The following MEGF11 variants were observed in gnomAD, a reference collection of about 807,000 sequenced individuals.
MEGF11 encodes multiple epidermal growth factor-like domains protein 11.
Under a neutral mutation model 146.6 loss-of-function variants are expected in MEGF11, and 126 were observed. The ratio of observed to expected loss-of-function variants is 0.86; its 90% CI spans 0.74 to 1.00. MEGF11 has a LOEUF of 1.00. Among genes scored for constraint, MEGF11 ranks in the 50% least tolerant of loss-of-function variants. The probability of loss-of-function intolerance (pLI) is 0.00; values close to 1 mark genes in which losing one functional copy is unlikely to be tolerated. For missense variants in MEGF11, 1,509 were observed against 1,521.2 expected (o/e 0.99, Z 0.13); for synonymous variants, 532 against 583.4 (o/e 0.91, Z 1.27).
At chr15:65,963,411 A>G (rs1044751324) in intron 9 of MEGF11, among the ~76,000 whole-genome samples, 2 of 151,088 alleles carry the variant, frequency 1.3e-5, no homozygotes, top group Non-Finnish European at 2.9e-5. Flanking sequence ...CCAGCCACAT[A>G]TATTTCATCA....
intron 5 of MEGF11, among the ~76,000 whole-genome samples, chr15:66,019,038 G>T (rs947257916): frequency 2.0e-5 from 3 of 152,194 alleles, no homozygotes; most frequent in South Asian, 2.1e-4. Flanking sequence ...CCATCACCAC[G>T]ACTCCAGGCC....
In MEGF11 at chr15:65,993,159, A is replaced by G. The variant is rs2082106227; in HGVS notation, c.395-10671T>C. 2.0e-5 allele frequency among the ~76,000 whole-genome samples: 3 copies of G among 152,146 alleles called. 1 individual carries two copies. The South Asian group carries it at 6.2e-4, about 32-fold the overall frequency. On this transcript the variant is annotated intron_variant, in intron 5 of 25. Coordinates refer to ENST00000395614, the MANE Select transcript of MEGF11 (RefSeq NM_001385028.1). ...TGTTCTAGAGTCCAAGTCAGCACTC[A>G]TGCACCACCCCCAACCTCTGTCCTG...
intron 4 of MEGF11, among the ~76,000 whole-genome samples, chr15:66,114,883 G>GC (rs1396004640): frequency 6.6e-6 from 1 of 152,154 alleles, no homozygotes; most frequent in South Asian, 2.1e-4. Flanking sequence ...GAAAAACAGT[G>GC]CCCCCCTGCA....
chr15:66,145,145 A>G (rs1179196509), intron 1 of MEGF11, among the ~76,000 whole-genome samples: 4 of 152,216 alleles, frequency 2.6e-5, no homozygotes, highest in African/African-American at 4.8e-5. Flanking sequence ...CAGAGGCCTG[A>G]GCTGAGAGCA....
In MEGF11 at chr15:65,982,871, C is replaced by A. The variant is rs186313344; in HGVS notation, c.395-383G>T. The stretch of plus-strand genomic sequence containing the variant: ...GTTGGCTGCCTGTTTCTGTTCCTTT[C>A]TGCCGGGCCCTTTCTTTTCCCATCT... On this transcript the variant is annotated intron_variant, in intron 5 of 25. Transcript: ENST00000395614. This position sits in a 1 kb window ranked among gnomAD's most constrained non-coding sequence, Gnocchi z 5.6. Among the ~76,000 whole-genome samples, 12 of 152,260 alleles carry A rather than the reference C, an allele frequency of 7.9e-5. No individual in the cohort carries two copies. Among genetic ancestry groups the A allele is most frequent in the Non-Finnish European group, 1.6e-4 (11 of 68,030 alleles).
intron 1 of MEGF11, among the ~76,000 whole-genome samples, chr15:66,188,947 C>T (rs539533768): frequency 6.6e-6 from 1 of 152,304 alleles, no homozygotes; most frequent in Non-Finnish European, 1.5e-5. Context: ...CTCCTACCTT[C>T]GCCTTACAAT....
intron 7 of MEGF11, 45 bp downstream of exon 7, chr15:65,980,733 G>A: frequency 6.5e-7 from 1 of 1,539,122 alleles, no homozygotes; most frequent in Non-Finnish European, 8.7e-7. Flanking sequence ...AGTGATGAAG[G>A]CTCAGCCCTC....
chr15:66,107,061 C>CCCCTT (rs1555471311), intron 4 of MEGF11, among the ~76,000 whole-genome samples: 1 of 88,474 alleles, frequency 1.1e-5, no homozygotes. Flanking sequence ...CCTACCCCCC[C>CCCCTT]ACCAGGTATA....
In MEGF11 at chr15:65,917,009, G is replaced by A. The variant is rs561439384; in HGVS notation, c.2087-53C>T. On this transcript the variant is annotated intron_variant, in intron 16 of 25. Coordinates refer to ENST00000395614, the MANE Select transcript of MEGF11 (RefSeq NM_001385028.1). ...GAGGGGAAGGCAGAGAGGGGCAGACGGAGAGGGAGAAGAAGGGGGAGTACA... is the reference window on the plus strand; with the variant it reads ...GAGGGGAAGGCAGAGAGGGGCAGACAGAGAGGGAGAAGAAGGGGGAGTACA... The A allele has an allele frequency of 4.9e-4, 709 of 1,435,634 alleles. 1 individual carries two copies. The highest frequency in any genetic ancestry group is 6.1e-4 in the Non-Finnish European group (665 of 1,088,154). 88.9% of individuals were successfully genotyped at this position (1,435,634 alleles called of 1,614,324 possible). A position where few individuals can be genotyped will look rare whatever the true frequency, so the allele number is the denominator to read the frequency against.
chr15:66,194,254 C>T (rs1274829609), intron 1 of MEGF11, among the ~76,000 whole-genome samples: 4 of 152,150 alleles, frequency 2.6e-5, no homozygotes, highest in Admixed American at 2.6e-4. Context: ...AATGGAAAAC[C>T]CAACATCATA....
intron 21 of MEGF11, among the ~76,000 whole-genome samples, chr15:65,910,471 C>T (rs1018234352): frequency 3.3e-5 from 5 of 152,148 alleles, no homozygotes; most frequent in East Asian, 1.9e-4. Flanking sequence ...TTCCCAGTGC[C>T]GTGTCCTTTC....
chr15:66,128,406 C>A lies in MEGF11; in HGVS notation c.-3G>T. On this transcript the variant is annotated 5_prime_UTR_variant, in exon 2 of 26. Transcript: ENST00000395614. ...AGCCCCGTCAGGGAGAGCACCATCC[C>A]GGGCCCTGCACAGGAGAACAAAGGA... is the stretch of plus-strand genomic sequence containing the variant. 4 of 1,488,746 alleles carry A rather than the reference C, an allele frequency of 2.7e-6. No homozygotes were observed. The highest frequency in any genetic ancestry group is 2.7e-6 in the Non-Finnish European group (3 of 1,117,694). 92.2% of individuals were successfully genotyped at this position (1,488,746 alleles called of 1,614,324 possible).
At chr15:66,193,024 A>G (rs1340948918) in intron 1 of MEGF11, among the ~76,000 whole-genome samples, 1 of 152,242 alleles carries the variant, frequency 6.6e-6, no homozygotes, top group African/African-American at 2.4e-5. Context: ...CACTGGAATG[A>G]ACCAAACAAT....
intron 1 of MEGF11, among the ~76,000 whole-genome samples, chr15:66,156,839 G>C (rs561296514): frequency 2.6e-5 from 4 of 152,238 alleles, no homozygotes; most frequent in Non-Finnish European, 5.9e-5. Flanking sequence ...TCTGTACTGA[G>C]AGAACAGAGC....
At chr15:66,124,752 T>C (rs943408082) in intron 2 of MEGF11, among the ~76,000 whole-genome samples, 2 of 152,180 alleles carry the variant, frequency 1.3e-5, no homozygotes, top group African/African-American at 2.4e-5. Context: ...GACCAGCAGG[T>C]GGAAGCCACA....
At chr15:66,147,274 ATGGTTGCGC>A (rs1467393634) in intron 1 of MEGF11, among the ~76,000 whole-genome samples, 1 of 152,032 alleles carries the variant, frequency 6.6e-6, no homozygotes. Flanking sequence ...GGCACCTTAC[ATGGTTGCGC>A]AGCCCAGGGC....
intron 1 of MEGF11, among the ~76,000 whole-genome samples, chr15:66,201,474 T>G (rs1337407177): frequency 6.6e-6 from 1 of 151,864 alleles, no homozygotes; most frequent in African/African-American, 2.4e-5. Context: ...CACCCAGGGG[T>G]GCTGAGGCCA....
In MEGF11 at chr15:66,218,979, C is replaced by CTAAAAAAAAAAAAAAAAA. The variant is rs747064597; in HGVS notation, c.-9+34625_-9+34626insTTTTTTTTTTTTTTTTTA. Among the ~76,000 whole-genome samples the CTAAAAAAAAAAAAAAAAA allele has an allele frequency of 2.3e-5, 2 of 86,942 alleles. 1 individual carries two copies. Among genetic ancestry groups the CTAAAAAAAAAAAAAAAAA allele is most frequent in the Non-Finnish European group, 4.2e-5 (2 of 47,552 alleles). The allele number at this position is 86,942 out of a possible 152,430, so 57.0% of individuals were successfully genotyped here. ...ATCAGAACAACTGGATATCCACAGGCAAAAAAAAAAAAAAAAACCTTAACC... is the reference window on the plus strand; with the variant it reads ...ATCAGAACAACTGGATATCCACAGGCTAAAAAAAAAAAAAAAAAAAAAAAAAAAAAAAAAACCTTAACC... On this transcript the variant is annotated intron_variant, in intron 1 of 25. Transcript: ENST00000395614.
At chr15:66,210,809 A>G (rs1024191017) in intron 1 of MEGF11, among the ~76,000 whole-genome samples, 9 of 152,184 alleles carry the variant, frequency 5.9e-5, no homozygotes, top group Non-Finnish European at 1.3e-4. Context: ...AAAGGCAAAC[A>G]TGGCAACATC....
Sources: allele counts gnomAD v4.1 joint callset (sites outside exome capture counted in the v4.1 genomes callset), GRCh38; gene constraint gnomAD v4.1.1; non-coding constraint Gnocchi (gnomAD v3.1); transcripts MANE v1.5; gene names NCBI Gene and HGNC (gene_info 2026-07-23, HGNC 2026-07-21).